The following EYS variants were observed in gnomAD, a reference collection of about 807,000 sequenced individuals.
EYS encodes the protein protein eyes shut homolog.
EYS carries 250 observed loss-of-function variants against 282.1 expected under a neutral mutation model. That is an observed-to-expected ratio of 0.89 (90% CI 0.80 to 0.98). The LOEUF (loss-of-function observed/expected upper bound fraction) is 0.98, where lower values mean the gene tolerates loss of function less well. Among genes scored for constraint, EYS ranks in the 50% least tolerant of loss-of-function variants. The pLI is 0.00. For synonymous variants in EYS, 1,355 were observed against 1,282.9 expected (o/e 1.06, Z -1.20); for missense variants, 4,016 against 3,709.0 (o/e 1.08, Z -2.15).
chr6:64,268,501 T>G (rs555221045), intron 30 of EYS, among the ~76,000 whole-genome samples: 1 of 152,222 alleles, frequency 6.6e-6, no homozygotes, highest in East Asian at 1.9e-4. Flanking sequence ...CTGATTGCTA[T>G]GTAGACAACA....
At chr6:64,805,979 A>C (rs969182125) in intron 22 of EYS, among the ~76,000 whole-genome samples, 1 of 151,524 alleles carries the variant, frequency 6.6e-6, no homozygotes, top group African/African-American at 2.4e-5. Context: ...AAAATCTTAC[A>C]TGTGAATATA....
intron 41 of EYS, among the ~76,000 whole-genome samples, chr6:63,737,831 A>C (rs1195554951): frequency 6.6e-6 from 1 of 152,102 alleles, no homozygotes; most frequent in Non-Finnish European, 1.5e-5. Flanking sequence ...TTCGCAACCT[A>C]CTCATCTGAC....
chr6:65,252,492 A>G (rs886303817), intron 12 of EYS, among the ~76,000 whole-genome samples: 7 of 151,994 alleles, frequency 4.6e-5, no homozygotes, highest in African/African-American at 1.7e-4. Flanking sequence ...CTAAAATAAA[A>G]TGCATATATC....
At chr6:64,403,079 A>T (rs1773589151) in intron 28 of EYS, among the ~76,000 whole-genome samples, 1 of 152,126 alleles carries the variant, frequency 6.6e-6, no homozygotes, top group African/African-American at 2.4e-5. Flanking sequence ...TTAAATACTA[A>T]GATCATTGAA....
chr6:65,566,568 G>A (rs1416354515), intron 2 of EYS, among the ~76,000 whole-genome samples: 1 of 151,982 alleles, frequency 6.6e-6, no homozygotes, highest in Non-Finnish European at 1.5e-5. Context: ...TTCTTTCTCT[G>A]AACAAGACAA....
At chr6:64,072,792 T>C (rs2149860876) in intron 32 of EYS, among the ~76,000 whole-genome samples, 1 of 152,098 alleles carries the variant, frequency 6.6e-6, no homozygotes, top group East Asian at 1.9e-4. Context: ...AACTGCTTTA[T>C]GTTACCATTT....
rs1023543802 is a variant in EYS at position 64,421,419 on chromosome 6, A to G, written c.5927+14755T>C. ...ATTTGGGTGGGGACAAAGCCAAATC[A>G]TATCAGTGGCTATGGTTGAAGGGGA... On this transcript the variant is annotated intron_variant, in intron 28 of 42. Transcript: ENST00000503581. Among the ~76,000 whole-genome samples the G allele has an allele frequency of 4.6e-5, 7 of 152,218 alleles. No homozygotes were observed. The South Asian group carries it at 8.3e-4, about 18-fold the overall frequency.
chr6:65,097,555 A>G (rs1458961508), intron 12 of EYS, among the ~76,000 whole-genome samples: 1 of 150,970 alleles, frequency 6.6e-6, no homozygotes, highest in African/African-American at 2.4e-5. Flanking sequence ...TCTCATGTTC[A>G]TTTCAGTATT....
intron 12 of EYS, among the ~76,000 whole-genome samples, chr6:65,079,068 A>G (rs1386734708): frequency 6.6e-6 from 1 of 151,922 alleles, no homozygotes; most frequent in Admixed American, 6.6e-5. Context: ...TCTTCTCTTT[A>G]TAAATTGCTC....
intron 33 of EYS, among the ~76,000 whole-genome samples, chr6:64,037,192 T>C (rs1742236879): frequency 6.6e-6 from 1 of 152,210 alleles, no homozygotes; most frequent in South Asian, 2.1e-4. Context: ...CTAGTGATAA[T>C]GGAAGATTGT....
chr6:65,331,025 T>G (rs1317545974), intron 11 of EYS: 3 of 983,652 alleles, frequency 3.0e-6, no homozygotes, highest in Non-Finnish European at 3.6e-6. Context: ...CCCATTATTA[T>G]TTTTTTTCCT....
intron 26 of EYS, among the ~76,000 whole-genome samples, chr6:64,487,762 G>GT (rs1363524042): frequency 6.6e-6 from 1 of 150,666 alleles, no homozygotes; most frequent in Non-Finnish European, 1.5e-5. Context: ...TTGTAAAGGT[G>GT]TACCTACAGC....
In EYS at chr6:65,698,923, C is replaced by A. The variant is rs558791686; in HGVS notation, c.-448+8212G>T. On this transcript the variant is annotated intron_variant, in intron 1 of 42. Transcript: ENST00000503581. ...ATTCAAAACAGATTACTTTTTCCTA[C>A]AATTACTTTTCTAAACTGATACAAC... 6.8e-4 allele frequency among the ~76,000 whole-genome samples: 103 copies of A among 152,256 alleles called. 2 individuals are homozygous for A. The South Asian group carries it at 0.02, about 29-fold the overall frequency.
chr6:63,912,060 T>C (rs1189799812), intron 35 of EYS, among the ~76,000 whole-genome samples: 1 of 152,260 alleles, frequency 6.6e-6, no homozygotes, highest in Non-Finnish European at 1.5e-5. Flanking sequence ...ATATAGTTCA[T>C]GCAGATCCTT....
At chr6:64,374,127 A>G (rs978750600) in intron 29 of EYS, among the ~76,000 whole-genome samples, 2 of 144,810 alleles carry the variant, frequency 1.4e-5, no homozygotes, top group Admixed American at 7.0e-5. Flanking sequence ...TTCAGGGTGA[A>G]GGGAGACCAC....
At chr6:64,471,300 A>G (rs1331534614) in intron 26 of EYS, among the ~76,000 whole-genome samples, 1 of 152,182 alleles carries the variant, frequency 6.6e-6, no homozygotes, top group East Asian at 1.9e-4. Context: ...AGGAAGTCAA[A>G]TTGTCTCTGT....
intron 2 of EYS, among the ~76,000 whole-genome samples, chr6:65,556,862 T>C (rs543130077): frequency 1.3e-5 from 2 of 152,158 alleles, no homozygotes; most frequent in Non-Finnish European, 2.9e-5. Flanking sequence ...AACCTTAAAG[T>C]GTTTTAAAAT....
intron 12 of EYS, among the ~76,000 whole-genome samples, chr6:65,123,489 C>T (rs1581930544): frequency 6.6e-6 from 1 of 152,126 alleles, no homozygotes; most frequent in South Asian, 2.1e-4. Flanking sequence ...ACCAGGAAAG[C>T]AAAGAAATAA....
chr6:63,919,312 C>CTTTTTTTTTTTTTTT (rs562177760), intron 35 of EYS, among the ~76,000 whole-genome samples: 2 of 49,364 alleles, frequency 4.1e-5, no homozygotes, highest in African/African-American at 8.6e-5. Flanking sequence ...AGGGAACAGA[C>CTTTTTTTTTTTTTTT]TTTTTTTTTT....
Sources: gnomAD v4.1 joint callset for allele counts (sites outside exome capture counted in the v4.1 genomes callset) on GRCh38, gnomAD v4.1.1 for gene constraint, MANE v1.5 for transcripts, NCBI Gene and HGNC (gene_info 2026-07-23, HGNC 2026-07-21) for gene names.